COL22A1: variants seen among roughly 807,000 people sequenced by gnomAD.
The protein encoded by COL22A1 is collagen alpha-1(XXII) chain.
A neutral mutation model predicts 248.9 loss-of-function variants in COL22A1; 221 were observed. The observed-to-expected ratio is 0.89, with a 90% CI of 0.80 to 0.99. The LOEUF (loss-of-function observed/expected upper bound fraction) is 0.99, where lower values mean the gene tolerates loss of function less well. Ranked by LOEUF, COL22A1 falls within the 50% of genes least tolerant of loss-of-function variation. The pLI is 0.00. For synonymous variants in COL22A1, 891 were observed against 793.4 expected (o/e 1.12, Z -2.07); for missense variants, 2,240 against 2,179.0 (o/e 1.03, Z -0.56).
Position 138,793,545 on chromosome 8 carries a change from C to T in COL22A1, c.1596+3274G>A, listed in dbSNP as rs574555237. Among the ~76,000 whole-genome samples the T allele has an allele frequency of 5.9e-3, 894 of 152,358 alleles. 5 individuals are homozygous for T. Among genetic ancestry groups the T allele is most frequent in the Non-Finnish European group, 9.1e-3 (621 of 68,036 alleles). On this transcript the variant is annotated intron_variant, in intron 12 of 64. Transcript: ENST00000303045. ...ATATGTGGCGGAATCTAGACTCAGA[C>T]TTTGCTAAAAATATCAACTGCAGGA...
chr8:138,650,536 AT>A (rs781045499), intron 45 of COL22A1, among the ~76,000 whole-genome samples: 11 of 152,124 alleles, frequency 7.2e-5, no homozygotes, highest in Non-Finnish European at 1.3e-4. Context: ...AGCCTGCCTC[AT>A]CCACCTGCCT....
intron 22 of COL22A1, among the ~76,000 whole-genome samples, chr8:138,745,583 TC>T (rs1832040327): frequency 6.6e-6 from 1 of 152,128 alleles, no homozygotes; most frequent in African/African-American, 2.4e-5. Flanking sequence ...TAAGAAAAAG[TC>T]CTTCCTCTCA....
chr8:138,895,492 TA>T (rs201769091), intron 1 of COL22A1, among the ~76,000 whole-genome samples: 2 of 149,770 alleles, frequency 1.3e-5, no homozygotes, highest in African/African-American at 4.9e-5. Context: ...ATTTAAGAAC[TA>T]AAAAAAAATA....
In COL22A1 at chr8:138,906,921, G is replaced by A. The variant is rs1158348145; in HGVS notation, c.-73+6698C>T. On this transcript the variant is annotated intron_variant, in intron 1 of 64. Coordinates refer to ENST00000303045, the MANE Select transcript of COL22A1 (RefSeq NM_152888.3). ...TTCCGCCTCGGCCTCCCAAAGTGCC[G>A]GGACTACAAGCATGAGCCACCACAC... Among the ~76,000 whole-genome samples, 7 of 152,246 alleles carry A rather than the reference G, an allele frequency of 4.6e-5. No homozygotes were observed. The East Asian group carries it at 5.8e-4, about 13-fold the overall frequency.
At chr8:138,898,786 T>A (rs1814316398) in intron 1 of COL22A1, among the ~76,000 whole-genome samples, 1 of 152,082 alleles carries the variant, frequency 6.6e-6, no homozygotes, top group South Asian at 2.1e-4. Flanking sequence ...CCTCCCCTTC[T>A]CCACTCCTGC....
intron 21 of COL22A1, 133 bp downstream of exon 21, chr8:138,755,024 C>T (rs1390994310): frequency 1.1e-6 from 1 of 883,312 alleles, no homozygotes; most frequent in African/African-American, 1.7e-5. Flanking sequence ...ACCACAACAG[C>T]ACAACCCACT....
At chr8:138,864,268 G>C (rs1822701316) in intron 3 of COL22A1, among the ~76,000 whole-genome samples, 1 of 151,992 alleles carries the variant, frequency 6.6e-6, no homozygotes, top group Non-Finnish European at 1.5e-5. Flanking sequence ...ACCATTCCTG[G>C]GGTCTCCTGG....
chr8:138,625,860 ATG>A (rs988248907), intron 51 of COL22A1, among the ~76,000 whole-genome samples: 1 of 152,198 alleles, frequency 6.6e-6, no homozygotes, highest in African/African-American at 2.4e-5. Flanking sequence ...TTATATATAT[ATG>A]TGTGTGTGTT....
intron 2 of COL22A1, among the ~76,000 whole-genome samples, chr8:138,880,493 GA>G (rs1461492893): frequency 6.6e-6 from 1 of 152,160 alleles, no homozygotes; most frequent in Non-Finnish European, 1.5e-5. Context: ...TCAAAAAACA[GA>G]AAAACAATAA....
At chr8:138,647,222 C>T (rs1216322197) in intron 46 of COL22A1, among the ~76,000 whole-genome samples, 1 of 152,194 alleles carries the variant, frequency 6.6e-6, no homozygotes, top group Non-Finnish European at 1.5e-5. Flanking sequence ...TCTCCATCAA[C>T]AGCCACAAGA....
chr8:138,900,734 A>C (rs1419776508), intron 1 of COL22A1, among the ~76,000 whole-genome samples: 1 of 152,196 alleles, frequency 6.6e-6, no homozygotes, highest in Non-Finnish European at 1.5e-5. Context: ...CAATTACTTC[A>C]ACAAGGATTT....
intron 27 of COL22A1, among the ~76,000 whole-genome samples, chr8:138,718,569 A>C (rs898403697): frequency 6.6e-6 from 1 of 152,196 alleles, no homozygotes. Context: ...TTACCCTCTA[A>C]GTGGACTTTC....
At position 138,704,490 on chromosome 8, in the gene COL22A1, C is replaced by T. The variant is rs1396938177; in HGVS notation, c.2518-1143G>A. On this transcript the variant is annotated intron_variant, in intron 30 of 64. Coordinates refer to ENST00000303045, the MANE Select transcript of COL22A1 (RefSeq NM_152888.3). ...GCAATATTTGCTGTTCTGCAGCCTC[C>T]GCTGCTGATACCCAGGCAAACAGCG... Among the ~76,000 whole-genome samples, 8 of 152,208 alleles carry T rather than the reference C, an allele frequency of 5.3e-5. No individual in the cohort carries two copies. In the South Asian group the frequency reaches 6.2e-4, roughly 12 times the overall value.
intron 60 of COL22A1, among the ~76,000 whole-genome samples, chr8:138,600,713 C>A (rs570529111): frequency 1.3e-5 from 2 of 152,276 alleles, no homozygotes; most frequent in South Asian, 4.1e-4. Context: ...TCAACAATAA[C>A]CCAAAATCAG....
chr8:138,866,321 A>T lies in COL22A1; in HGVS notation c.658+11429T>A, dbSNP rs545210962. The stretch of plus-strand genomic sequence containing the variant: ...GCCAGGATAAGGTTAGCTACAGGAC[A>T]TGAGAGGCACTCAGAAGTGCAGAGT... On this transcript the variant is annotated intron_variant, in intron 3 of 64. Transcript: ENST00000303045. Among the ~76,000 whole-genome samples, 22 of 152,298 alleles carry T rather than the reference A, an allele frequency of 1.4e-4. No homozygotes were observed. The South Asian group carries it at 4.6e-3, about 32-fold the overall frequency.
At chr8:138,692,957 G>A (rs1827208390) in intron 35 of COL22A1, among the ~76,000 whole-genome samples, 1 of 152,154 alleles carries the variant, frequency 6.6e-6, no homozygotes, top group Admixed American at 6.5e-5. Context: ...CCCGGCAGTG[G>A]TGCTAGGAGC....
intron 30 of COL22A1, among the ~76,000 whole-genome samples, chr8:138,705,409 C>A (rs1828343979): frequency 1.3e-5 from 2 of 152,174 alleles, no homozygotes; most frequent in Admixed American, 1.3e-4. Context: ...CAAAGGGAAG[C>A]TCATCAGACT....
intron 22 of COL22A1, among the ~76,000 whole-genome samples, chr8:138,747,973 C>T (rs1034300626): frequency 6.6e-6 from 1 of 152,188 alleles, no homozygotes; most frequent in Admixed American, 6.5e-5. Context: ...ATTTTAATTA[C>T]ACCAATGAGT....
chr8:138,788,588 T>G (rs896937683), intron 12 of COL22A1, among the ~76,000 whole-genome samples: 1 of 152,208 alleles, frequency 6.6e-6, no homozygotes, highest in Non-Finnish European at 1.5e-5. Flanking sequence ...TGGAACATGC[T>G]TTCTAATAAC....
Sources: gnomAD v4.1 joint callset for allele counts (sites outside exome capture counted in the v4.1 genomes callset) on GRCh38, gnomAD v4.1.1 for gene constraint, MANE v1.5 for transcripts, NCBI Gene and HGNC (gene_info 2026-07-23, HGNC 2026-07-21) for gene names.